Variants in CAMSAP3 observed in about 807,000 individuals in gnomAD.
CAMSAP3 encodes the protein calmodulin regulated spectrin associated protein family member 3.
Under a neutral mutation model 112.5 loss-of-function variants are expected in CAMSAP3, and 34 were observed. That is an observed-to-expected ratio of 0.30 (90% CI 0.23 to 0.40). CAMSAP3 has a LOEUF of 0.40. Among genes scored for constraint, CAMSAP3 ranks in the 10% least tolerant of loss-of-function variants. The pLI is 1.00. For synonymous variants in CAMSAP3, 868 were observed against 799.8 expected (o/e 1.09, Z -1.44); for missense variants, 1,602 against 1,770.3 (o/e 0.90, Z 1.71).
rs1243966279 is a variant in CAMSAP3 at position 7,611,652 on chromosome 19, G to C, written c.1194-35G>C. 6 of 1,579,474 alleles carry C rather than the reference G, an allele frequency of 3.8e-6. No homozygotes were observed. Among genetic ancestry groups the C allele is most frequent in the Non-Finnish European group, 5.2e-6 (6 of 1,160,114 alleles). Reference sequence around the variant, plus strand: ...CTAGGGCGGGTTGGGGCCGAGGCTGGTCCCAGGGGCTGACCCCTCCCTCCG... The same window carrying C: ...CTAGGGCGGGTTGGGGCCGAGGCTGCTCCCAGGGGCTGACCCCTCCCTCCG... On this transcript the variant is annotated intron_variant, in intron 10 of 16. Coordinates refer to ENST00000160298, the MANE Select transcript of CAMSAP3 (RefSeq NM_020902.2). This position sits in a 1 kb window ranked among gnomAD's most constrained non-coding sequence, Gnocchi z 6.9.
At chr19:7,605,582 C>T in intron 2 of CAMSAP3, 103 bp downstream of exon 2, 1 of 1,281,780 alleles carries the variant, frequency 7.8e-7, no homozygotes, top group African/African-American at 1.6e-5. Context: ...CTCTATCAGT[C>T]TTGGCTCCTT....
intron 1 of CAMSAP3, among the ~76,000 whole-genome samples, chr19:7,598,616 C>T (rs758095563): frequency 1.5e-4 from 23 of 152,054 alleles, no homozygotes; most frequent in Non-Finnish European, 2.5e-4. Context: ...GATGAATCCC[C>T]GTCTCTACTA....
chr19:7,612,581 G>A lies in CAMSAP3; in HGVS notation c.2088G>A (p.Leu696=). ...PDLGPVPHEG[L]GEYNRAVSKL... ...TGGGCCCGGTGCCCCACGAGGGGCT[G>A]GGGGAATACAATCGAGCGGTCAGCA... The change falls in exon 11 of 17, where the codon CTG becomes CTA. Residue 696 remains leucine, a synonymous_variant. Coordinates refer to ENST00000160298, the MANE Select transcript of CAMSAP3 (RefSeq NM_020902.2). The A allele has an allele frequency of 6.5e-7, 1 of 1,534,114 alleles. No individual in the cohort carries two copies. The highest frequency in any genetic ancestry group is 8.7e-7 in the Non-Finnish European group (1 of 1,144,948).
rs1302672847 is a variant in CAMSAP3 at position 7,618,202 on chromosome 19, G to A, written c.*145G>A. 1 of 880,404 alleles carries A rather than the reference G, an allele frequency of 1.1e-6. No homozygotes were observed. Among genetic ancestry groups the A allele is most frequent in the Admixed American group, 2.8e-5 (1 of 36,224 alleles). The allele number at this position is 880,404 out of a possible 1,614,324, so 54.5% of individuals were successfully genotyped here. ...TCTCCACCCTCTGACTTTGAGTCCAGTCCTGCTGTGGGGGCTGAGCTGGGA... is the reference window on the plus strand; with the variant it reads ...TCTCCACCCTCTGACTTTGAGTCCAATCCTGCTGTGGGGGCTGAGCTGGGA... On this transcript the variant is annotated 3_prime_UTR_variant, in exon 17 of 17. Coordinates refer to ENST00000160298, the MANE Select transcript of CAMSAP3 (RefSeq NM_020902.2).
In CAMSAP3 at chr19:7,612,976, T is replaced by C; in HGVS notation, c.2483T>C (p.Leu828Pro). ...VPVQTRSSILLAEETPPEEPA... is the reference protein window; with the variant it reads ...VPVQTRSSILPAEETPPEEPA... The stretch of plus-strand genomic sequence containing the variant: ...GTGCAGACGCGCTCTTCCATCCTCC[T>C]GGCGGAGGAGACGCCCCCCGAGGAG... The change falls in exon 11 of 17, where the codon CTG becomes CCG. Residue 828 changes from leucine to proline, a missense_variant. Leu to Pro is a moderately conservative substitution (Grantham distance 98). Transcript: ENST00000160298. 1 of 1,595,924 alleles carries C rather than the reference T, an allele frequency of 6.3e-7. No individual in the cohort carries two copies. Among genetic ancestry groups the C allele is most frequent in the Non-Finnish European group, 8.5e-7 (1 of 1,173,742 alleles).
intron 2 of CAMSAP3, 116 bp from the exon 3 acceptor site, chr19:7,606,150 AGCCCC>A: frequency 3.4e-5 from 9 of 265,222 alleles, no homozygotes; most frequent in Non-Finnish European, 5.9e-5. Flanking sequence ...CGCCCCCTCA[AGCCCC>A]ACCCCCCCCG....
Position 7,611,896 on chromosome 19 carries a change from G to T in CAMSAP3, c.1403G>T (p.Ser468Ile). The change falls in exon 11 of 17, where the codon AGT (serine) becomes ATT (isoleucine). Residue 468 changes from serine to isoleucine, a missense_variant. Transcript: ENST00000160298. The surrounding 1 kb of genome is among the most constrained non-coding windows in gnomAD (Gnocchi z 6.9). Reference protein sequence around the residue: ...TIEEALQIIHSAEPRLLPDGA... With the variant: ...TIEEALQIIHIAEPRLLPDGA... Reference sequence around the variant, plus strand: ...GAGGAAGCTCTGCAGATCATCCACAGTGCCGAGCCCCGGCTCCTCCCAGAT... The same window carrying T: ...GAGGAAGCTCTGCAGATCATCCACATTGCCGAGCCCCGGCTCCTCCCAGAT... The T allele has an allele frequency of 6.3e-7, 1 of 1,575,826 alleles. No individual in the cohort carries two copies. The highest frequency in any genetic ancestry group is 1.8e-5 in the Admixed American group (1 of 56,540).
At chr19:7,608,078 C>T in intron 4 of CAMSAP3, 48 bp from the exon 5 acceptor site, 1 of 1,591,348 alleles carries the variant, frequency 6.3e-7, no homozygotes, top group Non-Finnish European at 8.6e-7. Context: ...TGACCGCTGA[C>T]CCTGGGGGCC....
In CAMSAP3 at chr19:7,615,937, C is replaced by T. The variant is rs548060363; in HGVS notation, c.3112+218C>T. 1.3e-5 allele frequency among the ~76,000 whole-genome samples: 2 copies of T among 152,176 alleles called. No homozygotes were observed. The highest frequency in any genetic ancestry group is 1.3e-4 in the Admixed American group (2 of 15,294). ...GGGCGCGGTGGCTCACGCCTGTAAT[C>T]CCAGCACTTTGGGAGGCTGAGGCGG... On this transcript the variant is annotated intron_variant, in intron 13 of 16. Coordinates refer to ENST00000160298, the MANE Select transcript of CAMSAP3 (RefSeq NM_020902.2). The surrounding 1 kb of genome is among the most constrained non-coding windows in gnomAD (Gnocchi z 6.5).
Position 7,607,944 on chromosome 19 carries a change from A to C in CAMSAP3, c.622-182A>C. 1.2e-6 allele frequency: 1 copy of C among 845,976 alleles called. No homozygotes were observed. Among genetic ancestry groups the C allele is most frequent in the Admixed American group, 2.3e-5 (1 of 44,058 alleles). 52.4% of individuals were successfully genotyped at this position (845,976 alleles called of 1,614,324 possible). On this transcript the variant is annotated intron_variant, in intron 4 of 16. Transcript: ENST00000160298. This position sits in a 1 kb window ranked among gnomAD's most constrained non-coding sequence, Gnocchi z 4.9. ...GCTGCTGGCCTGGCTGCTCGAAGAC[A>C]TCTCCTCTGCCTCTTGCTGCTGCCC...
At position 7,607,184 on chromosome 19, in the gene CAMSAP3, C is replaced by T. The variant is rs1037953096; in HGVS notation, c.621+613C>T. ...AAATTTCTGAAGGGGGGACCTGCAGCCCATCACAAACGTGGATCCTGACCC... is the reference window on the plus strand; with the variant it reads ...AAATTTCTGAAGGGGGGACCTGCAGTCCATCACAAACGTGGATCCTGACCC... On this transcript the variant is annotated intron_variant, in intron 4 of 16. Coordinates refer to ENST00000160298, the MANE Select transcript of CAMSAP3 (RefSeq NM_020902.2). The surrounding 1 kb of genome is among the most constrained non-coding windows in gnomAD (Gnocchi z 4.9). Among the ~76,000 whole-genome samples, 1 of 152,142 alleles carries T rather than the reference C, an allele frequency of 6.6e-6. No homozygotes were observed. The highest frequency in any genetic ancestry group is 2.4e-5 in the African/African-American group (1 of 41,448).
chr19:7,616,668 C>T (rs760660261), intron 14 of CAMSAP3, 46 bp downstream of exon 14: 2 of 1,413,232 alleles, frequency 1.4e-6, no homozygotes, highest in Non-Finnish European at 2.0e-6. Context: ...GGGTGGCTTC[C>T]CAGAGCCTGG....
chr19:7,617,485 C>T lies in CAMSAP3; in HGVS notation c.3325+47C>T. ...TGTGAGGAGCAACAGGCACCCTCCT[C>T]CACAGCCCCTGCTCATTCCTGCTGC... On this transcript the variant is annotated intron_variant, in intron 15 of 16. Coordinates refer to ENST00000160298, the MANE Select transcript of CAMSAP3 (RefSeq NM_020902.2). The surrounding 1 kb of genome is among the most constrained non-coding windows in gnomAD (Gnocchi z 7.5). 2.5e-6 allele frequency: 4 copies of T among 1,608,634 alleles called. No individual in the cohort carries two copies. The highest frequency in any genetic ancestry group is 3.4e-6 in the Non-Finnish European group (4 of 1,175,048).
chr19:7,618,198 T>C lies in CAMSAP3; in HGVS notation c.*141T>C, dbSNP rs1156532185. 3 of 924,878 alleles carry C rather than the reference T, an allele frequency of 3.2e-6. No individual in the cohort carries two copies. In the African/African-American group the frequency reaches 5.0e-5, roughly 15 times the overall value. 57.3% of individuals were successfully genotyped at this position (924,878 alleles called of 1,614,324 possible). A position where few individuals can be genotyped will look rare whatever the true frequency, so the allele number is the denominator to read the frequency against. On this transcript the variant is annotated 3_prime_UTR_variant, in exon 17 of 17. Transcript: ENST00000160298. ...GGAGTCTCCACCCTCTGACTTTGAG[T>C]CCAGTCCTGCTGTGGGGGCTGAGCT... is the stretch of plus-strand genomic sequence containing the variant.
chr19:7,612,384 C>T lies in CAMSAP3; in HGVS notation c.1891C>T (p.Arg631Trp), dbSNP rs1599358492. The change falls in exon 11 of 17, where the codon CGG (arginine) becomes TGG (tryptophan). Residue 631 changes from arginine to tryptophan, a missense_variant. Arg to Trp is a moderately radical substitution (Grantham distance 101). Transcript: ENST00000160298. ...IEAIFAKHRQ[R>W]LGKSAFLQVQ... ...GGCCATATTCGCCAAGCACCGCCAG[C>T]GGCTGGGCAAAAGCGCCTTCCTGCA... 5 of 1,597,998 alleles carry T rather than the reference C, an allele frequency of 3.1e-6. No individual in the cohort carries two copies. Among genetic ancestry groups the T allele is most frequent in the East Asian group, 2.3e-5 (1 of 44,234 alleles).
At chr19:7,616,722 C>T (rs1218859814) in intron 14 of CAMSAP3, 100 bp downstream of exon 14, 2 of 817,114 alleles carry the variant, frequency 2.4e-6, no homozygotes, top group South Asian at 1.4e-5. Flanking sequence ...CGGTATGGCT[C>T]GAGTTTATGG....
Position 7,611,513 on chromosome 19 carries a change from C to G in CAMSAP3, c.1124-4C>G, listed in dbSNP as rs199678043. On this transcript the variant is annotated splice_polypyrimidine_tract_variant and splice_region_variant and intron_variant, in intron 9 of 16. Transcript: ENST00000160298. The surrounding 1 kb of genome is among the most constrained non-coding windows in gnomAD (Gnocchi z 6.9). ...CCATAGTGACCACTCATCGCCTCCC[C>G]CAGGCTCCCTGAAGTCTTCCCCGTC... is the stretch of plus-strand genomic sequence containing the variant. 4.3e-6 allele frequency: 7 copies of G among 1,609,302 alleles called. No homozygotes were observed. Among genetic ancestry groups the G allele is most frequent in the Non-Finnish European group, 5.9e-6 (7 of 1,177,988 alleles).
intron 5 of CAMSAP3, among the ~76,000 whole-genome samples, chr19:7,609,959 C>T (rs1006656924): frequency 1.6e-4 from 24 of 152,124 alleles, no homozygotes; most frequent in Admixed American, 9.2e-4. Flanking sequence ...ACCTGCTGTA[C>T]GGTTCAGTTC....
At chr19:7,616,945 T>TTGTTGTTG (rs1555763659) in intron 14 of CAMSAP3, among the ~76,000 whole-genome samples, 2 of 131,668 alleles carry the variant, frequency 1.5e-5, no homozygotes, top group African/African-American at 5.7e-5. Context: ...TTTTTTTTTT[T>TTGTTGTTG]TTTTTTTTTT....
Sources: gnomAD v4.1 joint callset for allele counts (sites outside exome capture counted in the v4.1 genomes callset) on GRCh38, gnomAD v4.1.1 for gene constraint, Gnocchi (gnomAD v3.1) non-coding constraint, MANE v1.5 for transcripts, NCBI Gene and HGNC (gene_info 2026-07-23, HGNC 2026-07-21) for gene names.